Variants in EPHB2 observed in about 807,000 individuals in gnomAD.
EPHB2 encodes the protein EPH receptor B2, also known as ephrin type-B receptor 2.
A neutral mutation model predicts 96.4 loss-of-function variants in EPHB2; 18 were observed. The observed-to-expected ratio is 0.19, with a 90% CI of 0.13 to 0.28. EPHB2 has a LOEUF of 0.28. Ranked by LOEUF, EPHB2 falls within the 10% of genes least tolerant of loss-of-function variation. The pLI is 1.00. For synonymous variants in EPHB2, 506 were observed against 534.1 expected (o/e 0.95, Z 0.72); for missense variants, 989 against 1,355.4 (o/e 0.73, Z 4.25).
chr1:22,804,745 C>T (rs1644900025), intron 3 of EPHB2, among the ~76,000 whole-genome samples: 1 of 151,840 alleles, frequency 6.6e-6, no homozygotes, highest in African/African-American at 2.4e-5. Context: ...CCTCTTCTCT[C>T]CTTCCTCCCC....
At chr1:22,735,869 C>T (rs1231571034) in intron 1 of EPHB2, among the ~76,000 whole-genome samples, 3 of 152,198 alleles carry the variant, frequency 2.0e-5, no homozygotes, top group Non-Finnish European at 2.9e-5. Context: ...GGTCACTAGA[C>T]TTAGGGCAGA....
chr1:22,853,461 T>A (rs1247331741), intron 3 of EPHB2, among the ~76,000 whole-genome samples: 3 of 152,198 alleles, frequency 2.0e-5, no homozygotes, highest in Admixed American at 1.3e-4. Flanking sequence ...ACAGTCACCA[T>A]CCTGTATACT....
At chr1:22,744,212 A>G (rs1643938366) in intron 1 of EPHB2, among the ~76,000 whole-genome samples, 1 of 151,956 alleles carries the variant, frequency 6.6e-6, no homozygotes, top group Admixed American at 6.6e-5. Flanking sequence ...GCTGTTTCTA[A>G]TAAAATTGAG....
chr1:22,868,050 A>G (rs1289512416), intron 5 of EPHB2, among the ~76,000 whole-genome samples: 5 of 152,184 alleles, frequency 3.3e-5, no homozygotes, highest in African/African-American at 1.2e-4. Context: ...AAGCTCCTGG[A>G]GCCCTTTCCC....
rs1644459270 is a variant in EPHB2 at position 22,776,779 on chromosome 1, G to A, written c.62-4642G>A. 2.0e-5 allele frequency among the ~76,000 whole-genome samples: 3 copies of A among 152,344 alleles called. No individual in the cohort carries two copies. The East Asian group carries it at 5.8e-4, about 29-fold the overall frequency. On this transcript the variant is annotated intron_variant, in intron 1 of 15. Coordinates refer to ENST00000374630, the MANE Select transcript of EPHB2 (RefSeq NM_017449.5). ...ATTGTACAGGTTGTAGTTGGAAATGGCTAAAGTCATTAATGTTGTCTGTAT... is the reference window on the plus strand; with the variant it reads ...ATTGTACAGGTTGTAGTTGGAAATGACTAAAGTCATTAATGTTGTCTGTAT...
intron 6 of EPHB2, among the ~76,000 whole-genome samples, chr1:22,883,879 C>G (rs992689694): frequency 6.6e-6 from 1 of 152,224 alleles, no homozygotes; most frequent in African/African-American, 2.4e-5. Flanking sequence ...CAAGGAGACA[C>G]TTGATCAATA....
chr1:22,802,164 G>A (rs188851115), intron 3 of EPHB2, among the ~76,000 whole-genome samples: 3 of 152,276 alleles, frequency 2.0e-5, no homozygotes, highest in Non-Finnish European at 4.4e-5. Context: ...AGAAGAGAAG[G>A]GGGCTAGGGG....
Position 22,804,288 on chromosome 1 carries a change from C to T in EPHB2, c.811+19212C>T, listed in dbSNP as rs574884931. Among the ~76,000 whole-genome samples the T allele has an allele frequency of 2.3e-4, 34 of 150,762 alleles. 1 individual carries two copies. The East Asian group carries it at 5.3e-3, about 23-fold the overall frequency. On this transcript the variant is annotated intron_variant, in intron 3 of 15. Transcript: ENST00000374630. ...GTGCTTAGTGGGTGGGGGATGGATG[C>T]ATGGATGGAGAAAACCAATCAATCA...
At chr1:22,734,953 A>C (rs1347877010) in intron 1 of EPHB2, among the ~76,000 whole-genome samples, 1 of 152,218 alleles carries the variant, frequency 6.6e-6, no homozygotes, top group East Asian at 1.9e-4. Flanking sequence ...TGTGCTGGGC[A>C]GGGTGTTTGA....
intron 1 of EPHB2, among the ~76,000 whole-genome samples, chr1:22,744,225 C>G (rs1192842018): frequency 1.3e-5 from 2 of 151,910 alleles, no homozygotes; most frequent in African/African-American, 4.8e-5. Context: ...AAATTGAGCA[C>G]ACGCCTACCT....
intron 3 of EPHB2, among the ~76,000 whole-genome samples, chr1:22,826,727 C>T (rs374049724): frequency 2.0e-5 from 3 of 152,138 alleles, no homozygotes; most frequent in South Asian, 2.1e-4. Context: ...GACACAGGTC[C>T]GGACCCAGGG....
At chr1:22,864,646 C>A (rs1310505607) in intron 4 of EPHB2, among the ~76,000 whole-genome samples, 6 of 152,172 alleles carry the variant, frequency 3.9e-5, no homozygotes, top group Admixed American at 2.0e-4. Context: ...AAAATACTAT[C>A]CTCAGTAACA....
intron 3 of EPHB2, among the ~76,000 whole-genome samples, chr1:22,859,092 C>A (rs1469554216): frequency 6.6e-6 from 1 of 152,068 alleles, no homozygotes; most frequent in African/African-American, 2.4e-5. Context: ...GAGCCAAGAT[C>A]ATGCCACTGC....
At chr1:22,815,131 T>A (rs1277215712) in intron 3 of EPHB2, among the ~76,000 whole-genome samples, 9 of 152,166 alleles carry the variant, frequency 5.9e-5, no homozygotes, top group African/African-American at 2.2e-4. Context: ...CAAGTCTGCT[T>A]CATTGACGGC....
intron 1 of EPHB2, among the ~76,000 whole-genome samples, chr1:22,712,578 G>C (rs955543914): frequency 1.1e-4 from 17 of 152,198 alleles, no homozygotes; most frequent in African/African-American, 4.1e-4. Flanking sequence ...CCGCAGTCAG[G>C]GGGTGGGGGG....
intron 5 of EPHB2, among the ~76,000 whole-genome samples, chr1:22,877,881 C>T (rs562330325): frequency 6.6e-6 from 1 of 152,362 alleles, no homozygotes; most frequent in South Asian, 2.1e-4. Flanking sequence ...TCAGGCCCCA[C>T]TCCAGACCTG....
At chr1:22,851,751 G>A (rs1645628743) in intron 3 of EPHB2, among the ~76,000 whole-genome samples, 2 of 152,204 alleles carry the variant, frequency 1.3e-5, no homozygotes, top group Non-Finnish European at 2.9e-5. Context: ...TAGCAACCCT[G>A]AACTATTTGT....
intron 3 of EPHB2, among the ~76,000 whole-genome samples, chr1:22,842,022 G>C (rs983833413): frequency 6.6e-6 from 1 of 152,088 alleles, no homozygotes; most frequent in Non-Finnish European, 1.5e-5. Context: ...ATGGGGCCTC[G>C]GGACAGCTGG....
chr1:22,712,768 T>C (rs1643187747), intron 1 of EPHB2, among the ~76,000 whole-genome samples: 1 of 152,204 alleles, frequency 6.6e-6, no homozygotes, highest in South Asian at 2.1e-4. Context: ...CTGTGGAATA[T>C]GGCTGAGGTA....
Sources: allele counts gnomAD v4.1 joint callset (sites outside exome capture counted in the v4.1 genomes callset), GRCh38; gene constraint gnomAD v4.1.1; transcripts MANE v1.5; gene names NCBI Gene and HGNC (gene_info 2026-07-23, HGNC 2026-07-21).